Variants in ARPP21 observed in about 807,000 individuals in gnomAD.
ARPP21 encodes the protein cAMP-regulated phosphoprotein 21.
ARPP21 carries 69 observed loss-of-function variants against 113.2 expected under a neutral mutation model. That is an observed-to-expected ratio of 0.61 (90% CI 0.50 to 0.74). ARPP21 has a LOEUF of 0.74. Ranked by LOEUF, ARPP21 falls within the 30% of genes least tolerant of loss-of-function variation. The probability of loss-of-function intolerance (pLI) is 0.00; values close to 1 mark genes in which losing one functional copy is unlikely to be tolerated. For synonymous variants in ARPP21, 368 were observed against 375.5 expected, an observed-to-expected ratio of 0.98 and a Z score of 0.23; for missense variants, 1,070 against 1,037.4, an observed-to-expected ratio of 1.03 and a Z score of -0.43.
Position 35,729,355 on chromosome 3 carries a change from T to A in ARPP21, c.1278T>A (p.His426Gln). The A allele has an allele frequency of 6.2e-7, 1 of 1,614,158 alleles. No homozygotes were observed. Among genetic ancestry groups the A allele is most frequent in the Non-Finnish European group, 8.5e-7 (1 of 1,180,028 alleles). Reference sequence around the variant, plus strand: ...CCTCAGGATCGCTGTCCCGCACCCATCCACCTCTCCAGAGCACACCCCTAG... The same window carrying A: ...CCTCAGGATCGCTGTCCCGCACCCAACCACCTCTCCAGAGCACACCCCTAG... ...AGSSGSLSRT[H>Q]PPLQSTPLVS... Residue 426 changes from histidine (H) to glutamine (Q), a missense_variant, in exon 15 of 21, where the codon CAT (histidine) becomes CAA (glutamine). His to Gln is a conservative substitution (Grantham distance 24, BLOSUM62 0). Transcript: ENST00000684406.
upstream of ARPP21, among the ~76,000 whole-genome samples, chr3:35,639,394 G>A (rs1031300844): frequency 6.6e-5 from 10 of 152,004 alleles, no homozygotes; most frequent in African/African-American, 2.4e-4. This position sits in a 1 kb window ranked among gnomAD's most constrained non-coding sequence, Gnocchi z 5.0. Context: ...CAGCTGTGGA[G>A]CCACGTGCAA....
intron 19 of ARPP21, among the ~76,000 whole-genome samples, chr3:35,758,282 T>TG (rs886467787): frequency 4.0e-5 from 6 of 151,780 alleles, no homozygotes; most frequent in Non-Finnish European, 7.4e-5. Flanking sequence ...AGCATATACT[T>TG]GGGGGGCGGG....
intron 10 of ARPP21, 120 bp from the exon 11 acceptor site, chr3:35,708,849 A>G (rs2150031745): frequency 4.4e-6 from 3 of 684,650 alleles, no homozygotes; most frequent in East Asian, 5.4e-5. Flanking sequence ...AGAGAGAATG[A>G]GATTTTTCAG....
chr3:35,756,750 C>A (rs1392808609), intron 19 of ARPP21, among the ~76,000 whole-genome samples: 4 of 151,886 alleles, frequency 2.6e-5, no homozygotes, highest in African/African-American at 9.7e-5. Flanking sequence ...ACAATTGCAC[C>A]CTTTATAAGC....
chr3:35,639,173 A>C (rs1156930609), upstream of ARPP21: 3 of 152,114 alleles, frequency 2.0e-5, no homozygotes, highest in Non-Finnish European at 1.5e-5. This position sits in a 1 kb window ranked among gnomAD's most constrained non-coding sequence, Gnocchi z 5.0. Context: ...CGCGTGGCTC[A>C]TGCGCTTTGT....
intron 19 of ARPP21, among the ~76,000 whole-genome samples, chr3:35,762,056 A>C (rs997976683): frequency 1.3e-5 from 2 of 150,548 alleles, no homozygotes; most frequent in African/African-American, 4.9e-5. Context: ...CTCAACACCA[A>C]GGTCAAAAAC....
chr3:35,682,961 G>C, intron 4 of ARPP21, 72 bp downstream of exon 4: 1 of 1,379,744 alleles, frequency 7.2e-7, no homozygotes, highest in Non-Finnish European at 1.0e-6. Flanking sequence ...CAGAGTTAAA[G>C]GATTTGCCAG....
At chr3:35,652,752 G>A (rs1198123586) in intron 1 of ARPP21, among the ~76,000 whole-genome samples, 1 of 152,076 alleles carries the variant, frequency 6.6e-6, no homozygotes, top group African/African-American at 2.4e-5. Flanking sequence ...CATGAAAGGA[G>A]TGTGATGTTT....
intron 1 of ARPP21, among the ~76,000 whole-genome samples, chr3:35,653,590 G>A (rs1456731437): frequency 6.6e-6 from 1 of 151,988 alleles, no homozygotes; most frequent in Non-Finnish European, 1.5e-5. Flanking sequence ...ACTCTCCCCC[G>A]GTGTCATAGG....
intron 4 of ARPP21, 96 bp downstream of exon 4, chr3:35,682,985 T>C (rs552618238): frequency 8.2e-7 from 1 of 1,220,900 alleles, no homozygotes; most frequent in Admixed American, 2.2e-5. Flanking sequence ...TTCAGATGAT[T>C]GTGTCCAGAT....
intron 1 of ARPP21, among the ~76,000 whole-genome samples, chr3:35,646,216 A>G (rs946503628): frequency 6.6e-6 from 1 of 152,124 alleles, no homozygotes; most frequent in African/African-American, 2.4e-5. Flanking sequence ...CATAAATTCA[A>G]TGGAAAAATG....
At chr3:35,709,429 A>G (rs183909487) in intron 11 of ARPP21, among the ~76,000 whole-genome samples, 2 of 152,352 alleles carry the variant, frequency 1.3e-5, no homozygotes, top group Admixed American at 1.3e-4. Flanking sequence ...TTTAATAACA[A>G]CATTGTACAG....
chr3:35,710,188 C>T (rs2090594583), intron 11 of ARPP21, among the ~76,000 whole-genome samples: 1 of 152,052 alleles, frequency 6.6e-6, no homozygotes. Context: ...GCTAAGAGCT[C>T]TGAAATTAGA....
At position 35,685,042 on chromosome 3, in the gene ARPP21, C is replaced by T. The variant is rs937035637; in HGVS notation, c.261+1227C>T. On this transcript the variant is annotated intron_variant, in intron 5 of 20. Transcript: ENST00000684406. ...ATGTTGATTGATGGCTTGTAATGTA[C>T]TGCACACAATATATGTTAACTCTGC... 1.0e-5 allele frequency: 10 copies of T among 984,756 alleles called. No individual in the cohort carries two copies. The African/African-American group carries it at 1.2e-4, about 12-fold the overall frequency. The allele number at this position is 984,756 out of a possible 1,614,324, so 61.0% of individuals were successfully genotyped here.
At chr3:35,716,599 A>G (rs1180913194) in intron 12 of ARPP21, among the ~76,000 whole-genome samples, 1 of 152,110 alleles carries the variant, frequency 6.6e-6, no homozygotes, top group African/African-American at 2.4e-5. Flanking sequence ...TCAGTAATCC[A>G]TAAGCATTGA....
chr3:35,732,755 C>T (rs1054526462), intron 15 of ARPP21, among the ~76,000 whole-genome samples: 1 of 152,234 alleles, frequency 6.6e-6, no homozygotes, highest in African/African-American at 2.4e-5. Context: ...ATGCCATTTG[C>T]AGTGACTTCA....
chr3:35,675,632 G>A (rs1476929457), intron 1 of ARPP21, among the ~76,000 whole-genome samples: 1 of 151,918 alleles, frequency 6.6e-6, no homozygotes, highest in African/African-American at 2.4e-5. Context: ...TATGATGTCT[G>A]TTACCCTTTG....
At chr3:35,792,995 A>T (rs1185227372) in intron 20 of ARPP21, among the ~76,000 whole-genome samples, 1 of 152,194 alleles carries the variant, frequency 6.6e-6, no homozygotes, top group African/African-American at 2.4e-5. Flanking sequence ...CATTCTCTGG[A>T]CTAAACCCAA....
At chr3:35,793,021 A>T (rs1388315669) in intron 20 of ARPP21, among the ~76,000 whole-genome samples, 3 of 152,222 alleles carry the variant, frequency 2.0e-5, no homozygotes, top group Non-Finnish European at 4.4e-5. Flanking sequence ...GTATTTTAAA[A>T]GTGTTATGTA....
Sources: allele counts gnomAD v4.1 joint callset (sites outside exome capture counted in the v4.1 genomes callset), GRCh38; gene constraint gnomAD v4.1.1; non-coding constraint Gnocchi (gnomAD v3.1); transcripts MANE v1.5; gene names NCBI Gene and HGNC (gene_info 2026-07-23, HGNC 2026-07-21).